The following FDX1 variants were observed in gnomAD, a reference collection of about 807,000 sequenced individuals.
FDX1 encodes the protein ferredoxin 1.
Under a neutral mutation model 14.9 loss-of-function variants are expected in FDX1, and 9 were observed. That is an observed-to-expected ratio of 0.60 (90% CI 0.36 to 1.05). The LOEUF is 1.05. FDX1 is among the 50% of genes least tolerant of loss of function. The pLI, the probability that FDX1 is intolerant of heterozygous loss-of-function variation, is 0.01. For missense variants in FDX1, 204 were observed against 237.2 expected (o/e 0.86, Z 0.92); for synonymous variants, 92 against 99.4 (o/e 0.93, Z 0.44).
intron 3 of FDX1, among the ~76,000 whole-genome samples, chr11:110,458,814 G>A (rs1409400643): frequency 6.6e-6 from 1 of 152,068 alleles, no homozygotes; most frequent in Admixed American, 6.5e-5. Context: ...CACCATGTTG[G>A]CCAGGCTGTC....
intron 2 of FDX1, among the ~76,000 whole-genome samples, chr11:110,451,295 A>T (rs1295865681): frequency 2.6e-5 from 4 of 152,200 alleles, no homozygotes; most frequent in African/African-American, 9.6e-5. Context: ...CTTAATCACC[A>T]TTTATAGCTT....
At chr11:110,429,473 A>G (rs1350669529), upstream of FDX1, among the ~76,000 whole-genome samples, 22 of 152,202 alleles carry the variant, frequency 1.4e-4, no homozygotes, top group Admixed American at 1.1e-3. Flanking sequence ...TTTACTTGCC[A>G]GTCAAGGTCT....
intron 3 of FDX1, among the ~76,000 whole-genome samples, chr11:110,460,352 G>A (rs992632797): frequency 3.3e-5 from 5 of 152,170 alleles, no homozygotes; most frequent in African/African-American, 1.2e-4. Flanking sequence ...TGTGGCTCTG[G>A]CCGCTTTTCT....
At chr11:110,453,094 T>G (rs1946496984) in intron 2 of FDX1, among the ~76,000 whole-genome samples, 1 of 152,154 alleles carries the variant, frequency 6.6e-6, no homozygotes, top group South Asian at 2.1e-4. Flanking sequence ...CTCAGCACTT[T>G]GGGAGGCTGA....
intron 3 of FDX1, among the ~76,000 whole-genome samples, chr11:110,459,061 A>T (rs1946540822): frequency 6.6e-6 from 1 of 152,174 alleles, no homozygotes; most frequent in Admixed American, 6.5e-5. Flanking sequence ...CTAATGCCAG[A>T]TTCACAGTAG....
rs1309597923 is a variant in FDX1, at chr11:110,444,690, A to G, written c.310+8732A>G. Among the ~76,000 whole-genome samples, 352 of 54,956 alleles carry G rather than the reference A, an allele frequency of 6.4e-3. 21 individuals are homozygous for G. The highest frequency in any genetic ancestry group is 0.032 in the African/African-American group (299 of 9,328). 36.1% of individuals were successfully genotyped at this position (54,956 alleles called of 152,430 possible). On this transcript the variant is annotated intron_variant, in intron 2 of 3. Coordinates refer to ENST00000260270, the MANE Select transcript of FDX1 (RefSeq NM_004109.5). Reference sequence around the variant, plus strand: ...CGTATATATATATATATATACACGTATATATATATATATACGTATATATAT... The same window carrying G: ...CGTATATATATATATATATACACGTGTATATATATATATACGTATATATAT...
At chr11:110,460,783 T>C (rs936632151) in intron 3 of FDX1, among the ~76,000 whole-genome samples, 2 of 152,222 alleles carry the variant, frequency 1.3e-5, no homozygotes, top group Non-Finnish European at 2.9e-5. Flanking sequence ...TTTGGTGAGG[T>C]TAAGCAAGTT....
chr11:110,444,689 T>C (rs1264776039), intron 2 of FDX1, among the ~76,000 whole-genome samples: 1 of 34,776 alleles, frequency 2.9e-5, no homozygotes, highest in African/African-American at 1.5e-4. Flanking sequence ...TATATACACG[T>C]ATATATATAT....
At position 110,430,084 on chromosome 11, in the gene FDX1, G is replaced by C; in HGVS notation, c.-37G>C. 8.3e-7 allele frequency: 1 copy of C among 1,210,806 alleles called. No homozygotes were observed. Among genetic ancestry groups the C allele is most frequent in the Non-Finnish European group, 1.0e-6 (1 of 973,478 alleles). The allele number at this position is 1,210,806 out of a possible 1,614,324, so 75.0% of individuals were successfully genotyped here. The stretch of plus-strand genomic sequence containing the variant: ...GGAGTCTCTCGCGGCCTCAAAGCGC[G>C]GCCTGCGTCGCTTCCGGCAGTTCCC... On this transcript the variant is annotated 5_prime_UTR_variant, in exon 1 of 4. Transcript: ENST00000260270.
intron 2 of FDX1, among the ~76,000 whole-genome samples, chr11:110,446,226 T>C (rs980447730): frequency 3.3e-5 from 5 of 152,224 alleles, no homozygotes; most frequent in African/African-American, 9.6e-5. Context: ...GTTATCATTA[T>C]AAAGAAGAGC....
chr11:110,455,363 C>T (rs933480995), intron 2 of FDX1, among the ~76,000 whole-genome samples: 2 of 151,920 alleles, frequency 1.3e-5, no homozygotes, highest in Admixed American at 6.6e-5. Flanking sequence ...GAAGGAACAA[C>T]TCTAGTTAAA....
At chr11:110,461,347 T>G (rs1159294064) in intron 3 of FDX1, among the ~76,000 whole-genome samples, 3 of 151,608 alleles carry the variant, frequency 2.0e-5, no homozygotes, top group Non-Finnish European at 4.4e-5. Flanking sequence ...AATACAAAAA[T>G]TATTCAAGCA....
chr11:110,456,784 C>T (rs1323264738), intron 2 of FDX1, 134 bp from the exon 3 acceptor site: 4 of 868,158 alleles, frequency 4.6e-6, no homozygotes, highest in Non-Finnish European at 6.8e-6. Flanking sequence ...GCTGGGATTA[C>T]AGGTGTGAGC....
chr11:110,457,196 A>G (rs151089544), intron 3 of FDX1, 149 bp downstream of exon 3: 14 of 684,820 alleles, frequency 2.0e-5, no homozygotes, highest in Non-Finnish European at 3.0e-5. Context: ...GATATGTGGC[A>G]TTTCTCTTTG....
intron 2 of FDX1, among the ~76,000 whole-genome samples, chr11:110,453,107 C>CAGGCAGATCACCTGAGGT: frequency 6.6e-6 from 1 of 152,278 alleles, no homozygotes; most frequent in South Asian, 2.1e-4. Context: ...GAGGCTGAGG[C>CAGGCAGATCACCTGAGGT]AGGCAGATCA....
chr11:110,442,952 A>C (rs920595992), intron 2 of FDX1, among the ~76,000 whole-genome samples: 5 of 152,142 alleles, frequency 3.3e-5, no homozygotes, highest in Admixed American at 3.3e-4. Flanking sequence ...TAAGACTCAC[A>C]ATATCTGACA....
chr11:110,453,087 A>G (rs1332995790), intron 2 of FDX1, among the ~76,000 whole-genome samples: 1 of 152,224 alleles, frequency 6.6e-6, no homozygotes, highest in Non-Finnish European at 1.5e-5. Context: ...CTGTAACCTC[A>G]GCACTTTGGG....
At chr11:110,439,666 C>A (rs77755553) in intron 2 of FDX1, among the ~76,000 whole-genome samples, 1 of 152,022 alleles carries the variant, frequency 6.6e-6, no homozygotes, top group Non-Finnish European at 1.5e-5. Flanking sequence ...TTTAATGTGT[C>A]GAAGCTCTTT....
chr11:110,442,267 G>A (rs1439316399), intron 2 of FDX1, among the ~76,000 whole-genome samples: 1 of 152,240 alleles, frequency 6.6e-6, no homozygotes, highest in African/African-American at 2.4e-5. Flanking sequence ...ACCGCCTAGT[G>A]GAGCTGTGCG....
Sources: gnomAD v4.1 joint callset for allele counts (sites outside exome capture counted in the v4.1 genomes callset) on GRCh38, gnomAD v4.1.1 for gene constraint, MANE v1.5 for transcripts, NCBI Gene and HGNC (gene_info 2026-07-23, HGNC 2026-07-21) for gene names.